NAA35: variants seen among roughly 807,000 people sequenced by gnomAD.
NAA35 encodes N-alpha-acetyltransferase 35, NatC auxiliary subunit.
Under a neutral mutation model 101.7 loss-of-function variants are expected in NAA35, and 18 were observed. The ratio of observed to expected loss-of-function variants is 0.18; its 90% CI spans 0.12 to 0.26. The LOEUF is 0.26. Ranked by LOEUF, NAA35 falls within the 10% of genes least tolerant of loss-of-function variation. NAA35 has a pLI of 1.00. For synonymous variants in NAA35, 267 were observed against 273.1 expected (o/e 0.98, Z 0.22); for missense variants, 601 against 886.8 (o/e 0.68, Z 4.09).
intron 9 of NAA35, 97 bp downstream of exon 9, chr9:85,976,832 T>A (rs758732798): frequency 3.2e-4 from 289 of 905,520 alleles, no homozygotes; most frequent in Non-Finnish European, 4.6e-4. Flanking sequence ...AAGCCCTTTT[T>A]AAGGTATTTC....
At chr9:85,951,747 T>G (rs1486928936) in intron 2 of NAA35, among the ~76,000 whole-genome samples, 1 of 152,202 alleles carries the variant, frequency 6.6e-6, no homozygotes, top group African/African-American at 2.4e-5. Context: ...CCCCTGCCTC[T>G]GGGTTCAAGG....
rs1587680436 is a variant in NAA35, at chr9:86,022,009, C to A, written c.*49C>A. On this transcript the variant is annotated 3_prime_UTR_variant, in exon 23 of 23. Coordinates refer to ENST00000361671, the MANE Select transcript of NAA35 (RefSeq NM_024635.4). ...AAGGGGCAGAGTCTTCTTTCAGACC[C>A]AACTCTTAGAGGGCACATCACCAGG... is the stretch of plus-strand genomic sequence containing the variant. The A allele has an allele frequency of 4.8e-6, 7 of 1,457,598 alleles. No individual in the cohort carries two copies. The highest frequency in any genetic ancestry group is 5.7e-6 in the Non-Finnish European group (6 of 1,043,552). The allele number at this position is 1,457,598 out of a possible 1,614,324, so 90.3% of individuals were successfully genotyped here.
intron 22 of NAA35, 132 bp downstream of exon 22, chr9:86,021,101 G>T (rs1832524031): frequency 1.6e-6 from 1 of 614,426 alleles, no homozygotes; most frequent in Non-Finnish European, 2.6e-6. Flanking sequence ...TTTTAGTTCA[G>T]CAGCAAAAAA....
intron 11 of NAA35, among the ~76,000 whole-genome samples, chr9:85,990,220 A>G (rs1013008769): frequency 4.1e-4 from 63 of 152,230 alleles, no homozygotes; most frequent in African/African-American, 1.4e-3. Context: ...CATGGGAACT[A>G]ATCCGTACCT....
At chr9:85,957,680 G>T (rs1829335700) in intron 3 of NAA35, among the ~76,000 whole-genome samples, 1 of 152,138 alleles carries the variant, frequency 6.6e-6, no homozygotes, top group Non-Finnish European at 1.5e-5. Context: ...GTCTTTATAT[G>T]CCCATATGTA....
At position 86,013,727 on chromosome 9, in the gene NAA35, G is replaced by C; in HGVS notation, c.1398G>C (p.Lys466Asn). The change falls in exon 17 of 23, where the codon AAG becomes AAC. Residue 466 changes from lysine (K) to asparagine (N), a missense_variant. This residue lies in a region of NAA35 where 99 missense variants were observed against 206.7 expected (regional missense o/e 0.48). Transcript: ENST00000361671. ...EFATLQDEAE[K>N]VDAALHTMLL... ...ACATTTTATTTTAATAGGCAGAGAA[G>C]GTTGATGCAGCGCTTCACACCATGC... The C allele has an allele frequency of 1.2e-6, 2 of 1,612,836 alleles. No individual in the cohort carries two copies. The highest frequency in any genetic ancestry group is 1.7e-6 in the Non-Finnish European group (2 of 1,179,120).
chr9:85,965,460 T>G (rs1007777544), intron 6 of NAA35, among the ~76,000 whole-genome samples: 1 of 152,078 alleles, frequency 6.6e-6, no homozygotes, highest in African/African-American at 2.4e-5. Context: ...AGACCCTGTC[T>G]CTACAAAAAA....
At chr9:85,943,481 G>T (rs1828612929) in intron 2 of NAA35, among the ~76,000 whole-genome samples, 1 of 152,096 alleles carries the variant, frequency 6.6e-6, no homozygotes, top group Non-Finnish European at 1.5e-5. Flanking sequence ...AAGACTTGGG[G>T]CACCTGCAGG....
Position 85,956,407 on chromosome 9 carries a change from C to A in NAA35, c.158+14C>A. The A allele has an allele frequency of 7.3e-7, 1 of 1,368,522 alleles. No homozygotes were observed. Among genetic ancestry groups the A allele is most frequent in the South Asian group, 1.4e-5 (1 of 69,466 alleles). The allele number at this position is 1,368,522 out of a possible 1,614,324, so 84.8% of individuals were successfully genotyped here. A position where few individuals can be genotyped will look rare whatever the true frequency, so the allele number is the denominator to read the frequency against. ...TCATGATAAGCTGTAAGTATTTATC[C>A]TTTGAAAATAGTGTAGTGTAATGTT... is the stretch of plus-strand genomic sequence containing the variant. On this transcript the variant is annotated intron_variant, in intron 3 of 22. Transcript: ENST00000361671.
Position 85,978,289 on chromosome 9 carries a change from A to G in NAA35, c.785A>G (p.Gln262Arg). Residue 262 changes from glutamine to arginine, a missense_variant, in exon 11 of 23, where the codon CAA becomes CGA. By Grantham distance (43) the Gln-to-Arg change is conservative (BLOSUM62 1). Around this residue, in one of 8 missense-constraint regions of NAA35, gnomAD observed 190 missense variants for 223.1 expected, o/e 0.85. Coordinates refer to ENST00000361671, the MANE Select transcript of NAA35 (RefSeq NM_024635.4). ...KKETSAVAEA[Q>R]KLMVQAADLL... ...TAGACCAGTGCTGTTGCAGAAGCTC[A>G]AAAATTGATGGTTCAAGCAGCAGAT... is the stretch of plus-strand genomic sequence containing the variant. The G allele has an allele frequency of 6.2e-7, 1 of 1,612,546 alleles. No individual in the cohort carries two copies. The highest frequency in any genetic ancestry group is 8.5e-7 in the Non-Finnish European group (1 of 1,178,776).
intron 15 of NAA35, among the ~76,000 whole-genome samples, chr9:86,012,199 A>G (rs1002156884): frequency 6.6e-6 from 1 of 150,798 alleles, no homozygotes; most frequent in Admixed American, 6.6e-5. Flanking sequence ...AGCTTACTGC[A>G]ACCTCCGCCT....
chr9:85,975,506 C>T (rs1409667247), intron 8 of NAA35, among the ~76,000 whole-genome samples: 3 of 151,962 alleles, frequency 2.0e-5, no homozygotes, highest in Non-Finnish European at 4.4e-5. Context: ...TGTTCATGTC[C>T]TTCTGTATAC....
chr9:85,989,022 A>G (rs1402622102), intron 11 of NAA35, among the ~76,000 whole-genome samples: 1 of 152,242 alleles, frequency 6.6e-6, no homozygotes, highest in Non-Finnish European at 1.5e-5. Context: ...TTGAAAGAGT[A>G]TAATGTGTTC....
intron 11 of NAA35, among the ~76,000 whole-genome samples, chr9:85,982,924 G>A (rs1460902107): frequency 6.6e-6 from 1 of 152,202 alleles, no homozygotes; most frequent in African/African-American, 2.4e-5. Context: ...CACTGATAGA[G>A]GAAGTCAAAG....
intron 14 of NAA35, 67 bp downstream of exon 14, chr9:86,007,531 T>C: frequency 1.8e-6 from 2 of 1,129,246 alleles, no homozygotes; most frequent in South Asian, 1.4e-5. Flanking sequence ...TTCTCTGTAC[T>C]CCTTCTTTAT....
chr9:86,000,010 G>A (rs1444178082), intron 12 of NAA35, among the ~76,000 whole-genome samples: 1 of 151,974 alleles, frequency 6.6e-6, no homozygotes, highest in African/African-American at 2.4e-5. Flanking sequence ...TACATGTGAA[G>A]GTTTCTTACA....
chr9:86,022,134 G>A lies in NAA35; in HGVS notation c.*174G>A. 1.8e-6 allele frequency: 1 copy of A among 541,724 alleles called. No individual in the cohort carries two copies. Among genetic ancestry groups the A allele is most frequent in the African/African-American group, 1.9e-5 (1 of 51,964 alleles). The allele number at this position is 541,724 out of a possible 1,614,324, so 33.6% of individuals were successfully genotyped here. ...TTATATGACATGAATGAAAACTGCT[G>A]TTTTAAAGTGGTTTATTATGTTCCA... On this transcript the variant is annotated 3_prime_UTR_variant, in exon 23 of 23. Transcript: ENST00000361671.
intron 6 of NAA35, among the ~76,000 whole-genome samples, chr9:85,963,916 A>C (rs969454936): frequency 2.0e-4 from 31 of 152,326 alleles, no homozygotes; most frequent in African/African-American, 7.5e-4. Flanking sequence ...AATCAGGAGA[A>C]GATAGTTCAC....
chr9:85,948,699 T>C (rs1399882475), intron 2 of NAA35, among the ~76,000 whole-genome samples: 1 of 152,256 alleles, frequency 6.6e-6, no homozygotes, highest in Non-Finnish European at 1.5e-5. Context: ...GATCTTTTGC[T>C]ATTAAGAAAT....
Sources: allele counts gnomAD v4.1 joint callset (sites outside exome capture counted in the v4.1 genomes callset), GRCh38; gene constraint gnomAD v4.1.1; regional missense constraint gnomAD v4.1.1; transcripts MANE v1.5; gene names NCBI Gene and HGNC (gene_info 2026-07-23, HGNC 2026-07-21).